CLDN10: variants seen among roughly 807,000 people sequenced by gnomAD.
The protein encoded by CLDN10 is claudin 10, also known as claudin-10.
CLDN10 carries 15 observed loss-of-function variants against 22.9 expected under a neutral mutation model. The ratio of observed to expected loss-of-function variants is 0.65; its 90% CI spans 0.44 to 1.01. CLDN10 has a LOEUF of 1.01. Among genes scored for constraint, CLDN10 ranks in the 50% least tolerant of loss-of-function variants. CLDN10 has a pLI of 0.00. For missense variants in CLDN10, 247 were observed against 287.8 expected, an observed-to-expected ratio of 0.86 and a Z score of 1.03; for synonymous variants, 114 against 111.4, an observed-to-expected ratio of 1.02 and a Z score of -0.15.
intron 1 of CLDN10, among the ~76,000 whole-genome samples, chr13:95,485,436 C>T (rs1362102666): frequency 6.6e-6 from 1 of 152,126 alleles, no homozygotes; most frequent in Non-Finnish European, 1.5e-5. Flanking sequence ...TAATTTCAGG[C>T]CTTACACCAC....
chr13:95,458,392 T>C (rs984649694), intron 1 of CLDN10, among the ~76,000 whole-genome samples: 1 of 152,162 alleles, frequency 6.6e-6, no homozygotes, highest in Non-Finnish European at 1.5e-5. Context: ...AAGGAAATAC[T>C]TGAGACTGGG....
rs1254724715 is a variant in CLDN10 at position 95,578,682 on chromosome 13, T to G, written c.*668T>G. The G allele has an allele frequency of 6.6e-6, 1 of 152,226 alleles. No homozygotes were observed. Among genetic ancestry groups the G allele is most frequent in the East Asian group, 1.9e-4 (1 of 5,196 alleles). 9.4% of individuals were successfully genotyped at this position (152,226 alleles called of 1,614,324 possible). ...AAAAGCAAAGCCACACCATTCTCTT[T>G]GATGTATGCAGAGAGTTACGTAGCA... On this transcript the variant is annotated 3_prime_UTR_variant, in exon 5 of 5. Coordinates refer to ENST00000299339, the MANE Select transcript of CLDN10 (RefSeq NM_006984.5).
chr13:95,435,285 T>C (rs1050117525), intron 1 of CLDN10, among the ~76,000 whole-genome samples: 2 of 152,208 alleles, frequency 1.3e-5, no homozygotes, highest in Admixed American at 1.3e-4. Context: ...TGGTAAAATA[T>C]AGACTTTTCA....
At chr13:95,535,860 G>T (rs565496370) in intron 1 of CLDN10, among the ~76,000 whole-genome samples, 1 of 152,152 alleles carries the variant, frequency 6.6e-6, no homozygotes, top group East Asian at 1.9e-4. Flanking sequence ...TATGGAAGCC[G>T]AAAGAATAAA....
intron 1 of CLDN10, among the ~76,000 whole-genome samples, chr13:95,445,937 C>T (rs2042373966): frequency 6.6e-6 from 1 of 152,068 alleles, no homozygotes; most frequent in Non-Finnish European, 1.5e-5. Flanking sequence ...TTTTAAGGGA[C>T]ATGAACATAA....
At chr13:95,527,185 A>G (rs974566375) in intron 1 of CLDN10, among the ~76,000 whole-genome samples, 7 of 152,154 alleles carry the variant, frequency 4.6e-5, no homozygotes, top group African/African-American at 1.7e-4. Flanking sequence ...CTTATTGCCA[A>G]TTTAGGACCA....
At chr13:95,486,865 G>T (rs1276322717) in intron 1 of CLDN10, among the ~76,000 whole-genome samples, 1 of 152,154 alleles carries the variant, frequency 6.6e-6, no homozygotes, top group Non-Finnish European at 1.5e-5. Flanking sequence ...GTTCAACATG[G>T]TGCCTGATAC....
intron 1 of CLDN10, among the ~76,000 whole-genome samples, chr13:95,540,402 G>A (rs140084846): frequency 0.011 from 1,653 of 151,986 alleles, 16 homozygotes; most frequent in Non-Finnish European, 0.014. Context: ...GCTGAGGCAA[G>A]AGAATCGCTT....
At chr13:95,565,303 T>C (rs552188622) in intron 3 of CLDN10, among the ~76,000 whole-genome samples, 3 of 152,332 alleles carry the variant, frequency 2.0e-5, no homozygotes, top group Admixed American at 1.3e-4. Flanking sequence ...CAAGTAAGAA[T>C]TGATCAACAT....
Position 95,561,761 on chromosome 13 carries a change from G to A in CLDN10, c.464+1298G>A, listed in dbSNP as rs115809825. 3.4e-3 allele frequency among the ~76,000 whole-genome samples: 479 copies of A among 142,950 alleles called. 3 individuals carry two copies. The highest frequency in any genetic ancestry group is 0.011 in the African/African-American group (451 of 39,750). 93.8% of individuals were successfully genotyped at this position (142,950 alleles called of 152,430 possible). ...TACTGTTCATCAAGAGGTTTCTTTC[G>A]TCCTTTTTTTTTTTTTTTTTAAGAG... On this transcript the variant is annotated intron_variant, in intron 3 of 4. Coordinates refer to ENST00000299339, the MANE Select transcript of CLDN10 (RefSeq NM_006984.5).
At chr13:95,455,747 A>G (rs566573105) in intron 1 of CLDN10, among the ~76,000 whole-genome samples, 1 of 152,364 alleles carries the variant, frequency 6.6e-6, no homozygotes, top group South Asian at 2.1e-4. Context: ...AGAGAGTTGA[A>G]TAACTGTATA....
At chr13:95,511,480 T>A (rs2043097834) in intron 1 of CLDN10, among the ~76,000 whole-genome samples, 1 of 152,080 alleles carries the variant, frequency 6.6e-6, no homozygotes, top group Non-Finnish European at 1.5e-5. Flanking sequence ...GAAACTGGTT[T>A]CATACAAAAG....
At chr13:95,568,677 T>A (rs1011031683) in intron 3 of CLDN10, among the ~76,000 whole-genome samples, 1 of 152,166 alleles carries the variant, frequency 6.6e-6, no homozygotes, top group African/African-American at 2.4e-5. Flanking sequence ...CACAAGCATC[T>A]AGAAGTCGAA....
At chr13:95,501,566 A>C (rs1303077539) in intron 1 of CLDN10, among the ~76,000 whole-genome samples, 1 of 152,140 alleles carries the variant, frequency 6.6e-6, no homozygotes, top group Non-Finnish European at 1.5e-5. Flanking sequence ...TGATGTCTTC[A>C]TTGTCTGAAG....
intron 1 of CLDN10, among the ~76,000 whole-genome samples, chr13:95,487,730 A>C (rs2042819420): frequency 1.3e-5 from 2 of 152,136 alleles, no homozygotes; most frequent in Admixed American, 1.3e-4. Flanking sequence ...GGTGGAGTGC[A>C]GTGGCGTGAT....
intron 1 of CLDN10, among the ~76,000 whole-genome samples, chr13:95,499,521 G>A (rs1239248466): frequency 6.6e-6 from 1 of 152,256 alleles, no homozygotes. Context: ...CAGCCTGGGC[G>A]ACAAGAGTGA....
At chr13:95,481,034 A>T (rs2042741874) in intron 1 of CLDN10, among the ~76,000 whole-genome samples, 1 of 152,194 alleles carries the variant, frequency 6.6e-6, no homozygotes, top group African/African-American at 2.4e-5. Context: ...AGGACACACC[A>T]TCCATAAATT....
intron 1 of CLDN10, among the ~76,000 whole-genome samples, chr13:95,447,389 C>G (rs939675057): frequency 1.3e-5 from 2 of 152,158 alleles, no homozygotes; most frequent in African/African-American, 4.8e-5. Flanking sequence ...GCTCAGCCTT[C>G]CAGCTCCTGG....
At chr13:95,467,038 GTT>G (rs71113934) in intron 1 of CLDN10, among the ~76,000 whole-genome samples, 18 of 127,530 alleles carry the variant, frequency 1.4e-4, no homozygotes, top group Admixed American at 9.8e-4. Flanking sequence ...CACCATGCCC[GTT>G]TTTTTTTTTT....
Sources: gnomAD v4.1 joint callset for allele counts (sites outside exome capture counted in the v4.1 genomes callset) on GRCh38, gnomAD v4.1.1 for gene constraint, MANE v1.5 for transcripts, NCBI Gene and HGNC (gene_info 2026-07-23, HGNC 2026-07-21) for gene names.